Variants in STK33 observed in about 807,000 individuals in gnomAD.
STK33 encodes the protein serine/threonine-protein kinase 33.
Under a neutral mutation model 58.0 loss-of-function variants are expected in STK33, and 52 were observed. The observed-to-expected ratio is 0.90, with a 90% CI of 0.72 to 1.13. STK33 has a LOEUF of 1.13. STK33 is among the 50% of genes most tolerant of loss of function. STK33 has a pLI of 0.00. For missense variants in STK33, 630 were observed against 604.2 expected, an observed-to-expected ratio of 1.04 and a Z score of -0.45; for synonymous variants, 215 against 200.1, an observed-to-expected ratio of 1.07 and a Z score of -0.63.
At chr11:8,551,349 C>T (rs1158972730) in intron 1 of STK33, among the ~76,000 whole-genome samples, 2 of 152,122 alleles carry the variant, frequency 1.3e-5, no homozygotes, top group African/African-American at 4.8e-5. Flanking sequence ...AAGCTGGTCT[C>T]AAACTCCTGA....
the STK33 span, among the ~76,000 whole-genome samples, chr11:8,345,130 G>C: frequency 2.0e-4 from 31 of 152,242 alleles, no homozygotes; most frequent in African/African-American, 7.2e-4. Flanking sequence ...GAAGAATGAA[G>C]TTGGATCCCC....
intron 11 of STK33, among the ~76,000 whole-genome samples, chr11:8,444,978 G>C (rs1184855054): frequency 6.6e-6 from 1 of 152,146 alleles, no homozygotes; most frequent in Non-Finnish European, 1.5e-5. Flanking sequence ...AATTACTTTG[G>C]ACACTATGGC....
intron 1 of STK33, among the ~76,000 whole-genome samples, chr11:8,537,321 C>T (rs1195128889): frequency 1.3e-5 from 2 of 151,984 alleles, no homozygotes; most frequent in African/African-American, 4.8e-5. Flanking sequence ...AACCCCTGGC[C>T]TCAAGTGATC....
intron 1 of STK33, among the ~76,000 whole-genome samples, chr11:8,589,152 T>A (rs931679374): frequency 1.3e-5 from 2 of 152,106 alleles, no homozygotes; most frequent in African/African-American, 4.8e-5. Flanking sequence ...CGATCAGCAA[T>A]TCCACTCCTA....
chr11:8,459,594 G>C lies in STK33; in HGVS notation c.559-2115C>G, dbSNP rs945447429. On this transcript the variant is annotated intron_variant, in intron 8 of 15. Transcript: ENST00000687296. The stretch of plus-strand genomic sequence containing the variant: ...ATAGGGTAGTTATTCCTGAGAGAGA[G>C]GAAATACATGAGGCATTCCCCACGA... Among the ~76,000 whole-genome samples the C allele has an allele frequency of 9.2e-5, 14 of 152,176 alleles. No individual in the cohort carries two copies. The East Asian group carries it at 2.7e-3, about 29-fold the overall frequency.
the STK33 span, among the ~76,000 whole-genome samples, chr11:8,341,031 T>C: frequency 1.8e-4 from 27 of 152,332 alleles, no homozygotes; most frequent in African/African-American, 6.3e-4. Flanking sequence ...CTAATTTCTG[T>C]ATTTTTAGTA....
At chr11:8,367,817 A>G in the STK33 span, among the ~76,000 whole-genome samples, 1 of 152,194 alleles carries the variant, frequency 6.6e-6, no homozygotes. Flanking sequence ...ATACATTCAC[A>G]TACACACAAT....
chr11:8,359,859 G>A, the STK33 span, among the ~76,000 whole-genome samples: 1 of 152,214 alleles, frequency 6.6e-6, no homozygotes, highest in Admixed American at 6.5e-5. Context: ...GCAAGAGAAA[G>A]GCCATGGGGC....
intron 13 of STK33, 138 bp downstream of exon 13, chr11:8,435,889 T>TATTTCCACAAGTAAATAGTGTTC: frequency 2.0e-6 from 1 of 499,228 alleles, no homozygotes; most frequent in Non-Finnish European, 3.4e-6. Context: ...AAGATATCGC[T>TATTTCCACAAGTAAATAGTGTTC]ATTTCCACAA....
intron 15 of STK33, among the ~76,000 whole-genome samples, chr11:8,396,546 T>C (rs1394716019): frequency 6.6e-6 from 1 of 152,174 alleles, no homozygotes; most frequent in African/African-American, 2.4e-5. Flanking sequence ...GCTCCCAGCG[T>C]GAGTGACGCA....
At chr11:8,517,428 TCTC>T in intron 1 of STK33, among the ~76,000 whole-genome samples, 2 of 152,252 alleles carry the variant, frequency 1.3e-5, no homozygotes. Context: ...GAGTGCCTCT[TCTC>T]CTCCAAAGCA....
intron 6 of STK33, chr11:8,466,242 T>G (rs534089199): frequency 1.2e-4 from 19 of 152,298 alleles, no homozygotes; most frequent in African/African-American, 4.6e-4. Flanking sequence ...CTCAACTCAT[T>G]TCAGCATTAA....
intron 14 of STK33, among the ~76,000 whole-genome samples, chr11:8,417,223 C>T (rs117459293): frequency 0.054 from 8,227 of 152,222 alleles, 314 homozygotes; most frequent in Non-Finnish European, 0.076. Flanking sequence ...ATAGTTTGAT[C>T]ATCTGAAGCT....
chr11:8,477,605 T>C (rs1949403008), intron 2 of STK33, among the ~76,000 whole-genome samples: 2 of 152,148 alleles, frequency 1.3e-5, no homozygotes, highest in African/African-American at 4.8e-5. Context: ...GGTTTACAAA[T>C]ATATATATTC....
At chr11:8,584,946 A>G (rs1246720370) in intron 1 of STK33, among the ~76,000 whole-genome samples, 1 of 145,638 alleles carries the variant, frequency 6.9e-6, no homozygotes, top group African/African-American at 2.5e-5. Context: ...TTTTTTTGAG[A>G]TGGAGTATCA....
intron 11 of STK33, among the ~76,000 whole-genome samples, chr11:8,441,814 A>G (rs1944781123): frequency 6.6e-6 from 1 of 152,208 alleles, no homozygotes; most frequent in African/African-American, 2.4e-5. Flanking sequence ...TTTAAAATTT[A>G]TACTTTTGCA....
At chr11:8,510,345 A>G (rs1565227138) in intron 1 of STK33, among the ~76,000 whole-genome samples, 2 of 151,450 alleles carry the variant, frequency 1.3e-5, no homozygotes, top group East Asian at 3.9e-4. Flanking sequence ...TTTGGATGGG[A>G]TTATTTGTTT....
the STK33 span, among the ~76,000 whole-genome samples, chr11:8,356,858 G>A: frequency 3.7e-3 from 567 of 152,286 alleles, 3 homozygotes; most frequent in South Asian, 8.1e-3. Context: ...AGAGCACTCC[G>A]CATGACCCCC....
At chr11:8,567,033 G>A (rs1461076789) in intron 1 of STK33, among the ~76,000 whole-genome samples, 3 of 152,048 alleles carry the variant, frequency 2.0e-5, no homozygotes, top group East Asian at 3.9e-4. Context: ...CCAGCTACTC[G>A]GGAGGCTGAG....
Sources: gnomAD v4.1 joint callset for allele counts (sites outside exome capture counted in the v4.1 genomes callset) on GRCh38, gnomAD v4.1.1 for gene constraint, MANE v1.5 for transcripts, NCBI Gene and HGNC (gene_info 2026-07-23, HGNC 2026-07-21) for gene names.